The following CLYBL variants were observed in gnomAD, a reference collection of about 807,000 sequenced individuals.
The protein encoded by CLYBL is citramalyl-CoA lyase, mitochondrial.
CLYBL carries 31 observed loss-of-function variants against 38.9 expected under a neutral mutation model. The ratio of observed to expected loss-of-function variants is 0.80; its 90% CI spans 0.60 to 1.08. CLYBL has a LOEUF of 1.08. CLYBL is among the 50% of genes least tolerant of loss of function. The probability of loss-of-function intolerance (pLI) is 0.00; values close to 1 mark genes in which losing one functional copy is unlikely to be tolerated. For missense variants in CLYBL, 434 were observed against 411.6 expected (o/e 1.05, Z -0.47); for synonymous variants, 171 against 158.6 (o/e 1.08, Z -0.59).
intron 2 of CLYBL, among the ~76,000 whole-genome samples, chr13:99,848,579 C>G (rs1236613837): frequency 6.6e-6 from 1 of 152,218 alleles, no homozygotes; most frequent in African/African-American, 2.4e-5. Context: ...ATAAAACAAC[C>G]AGATGAGTGA....
At chr13:99,792,588 G>A (rs1463472666) in intron 2 of CLYBL, among the ~76,000 whole-genome samples, 6 of 141,284 alleles carry the variant, frequency 4.2e-5, no homozygotes, top group Admixed American at 3.5e-4. Flanking sequence ...CCCACCCTAC[G>A]CCCCACCCCT....
intron 1 of CLYBL, among the ~76,000 whole-genome samples, chr13:99,608,847 C>CTTT (rs57961216): frequency 3.4e-5 from 3 of 87,876 alleles, no homozygotes; most frequent in South Asian, 5.7e-4. Context: ...AGTGATGAGT[C>CTTT]TTTTTTTTTT....
chr13:99,777,598 T>C (rs1433475725), intron 2 of CLYBL, among the ~76,000 whole-genome samples: 1 of 151,994 alleles, frequency 6.6e-6, no homozygotes, highest in Non-Finnish European at 1.5e-5. Flanking sequence ...GTTCAAGAGA[T>C]TCTCCTTTCT....
rs2049430403 is a variant in CLYBL, at chr13:99,772,982, G to A, written c.221G>A (p.Cys74Tyr). Residue 74 changes from cysteine (C) to tyrosine (Y), a missense_variant, in exon 2 of 9, where the codon TGT becomes TAT. Physicochemically the swap from Cys to Tyr is radical, Grantham distance 194. Transcript: ENST00000339105. ...SLNVDCAVLD[C>Y]EDGVAANKKN... ...AATGTAGATTGTGCAGTGCTCGACT[G>A]TGAGGATGGAGTGGCTGCAAACAAA... is the stretch of plus-strand genomic sequence containing the variant. 8 of 1,610,814 alleles carry A rather than the reference G, an allele frequency of 5.0e-6. No individual in the cohort carries two copies. The highest frequency in any genetic ancestry group is 6.8e-6 in the Non-Finnish European group (8 of 1,179,428).
intron 1 of CLYBL, among the ~76,000 whole-genome samples, chr13:99,683,234 C>T (rs186547074): frequency 3.3e-5 from 5 of 150,394 alleles, no homozygotes; most frequent in South Asian, 2.2e-4. Flanking sequence ...GGTGCCCCCC[C>T]CTACACCAGG....
chr13:99,738,254 T>C (rs909306640), intron 1 of CLYBL, among the ~76,000 whole-genome samples: 27 of 152,194 alleles, frequency 1.8e-4, no homozygotes, highest in Non-Finnish European at 1.5e-5. Flanking sequence ...ATAAAATTGG[T>C]TAAAAGTATT....
chr13:99,768,763 T>A (rs996630653), intron 1 of CLYBL, among the ~76,000 whole-genome samples: 16 of 152,096 alleles, frequency 1.1e-4, no homozygotes, highest in African/African-American at 3.4e-4. Flanking sequence ...TCCCCCTGCC[T>A]CGGCCTCCCA....
intron 1 of CLYBL, among the ~76,000 whole-genome samples, chr13:99,743,621 C>T (rs1055519131): frequency 3.9e-5 from 6 of 152,170 alleles, no homozygotes; most frequent in South Asian, 2.1e-4. Context: ...ACTGAGGAAA[C>T]GCTTTGGAAA....
Position 99,857,681 on chromosome 13 carries a change from A to G in CLYBL, c.250-1180A>G. 1.3e-5 allele frequency among the ~76,000 whole-genome samples: 2 copies of G among 152,180 alleles called. 1 individual carries two copies. The highest frequency in any genetic ancestry group is 4.8e-5 in the African/African-American group (2 of 41,446). On this transcript the variant is annotated intron_variant, in intron 2 of 8. Coordinates refer to ENST00000339105, the MANE Select transcript of CLYBL (RefSeq NM_206808.5). ...ATAGACCCACATCTGTCTGGTTTAAATCTGCTGTCCTGGGTTGTCTTGTTG... is the reference window on the plus strand; with the variant it reads ...ATAGACCCACATCTGTCTGGTTTAAGTCTGCTGTCCTGGGTTGTCTTGTTG...
chr13:99,619,659 T>C (rs1315105871), intron 1 of CLYBL, among the ~76,000 whole-genome samples: 1 of 152,220 alleles, frequency 6.6e-6, no homozygotes, highest in Non-Finnish European at 1.5e-5. Context: ...ATAGATACTC[T>C]GGGGTTCAAG....
intron 7 of CLYBL, among the ~76,000 whole-genome samples, chr13:99,880,068 A>ATATT (rs34063235): frequency 0.014 from 1,462 of 101,170 alleles, 27 homozygotes; most frequent in African/African-American, 0.028. Flanking sequence ...ATATATATAT[A>ATATT]TTTTTTTTTT....
At chr13:99,830,077 G>C (rs76737767) in intron 2 of CLYBL, among the ~76,000 whole-genome samples, 3,899 of 152,152 alleles carry the variant, frequency 0.026, 170 homozygotes, top group African/African-American at 0.089. Context: ...CTCTCCCCCC[G>C]GCATCAGAGT....
chr13:99,654,744 G>A (rs1461480612), intron 1 of CLYBL, among the ~76,000 whole-genome samples: 2 of 152,164 alleles, frequency 1.3e-5, no homozygotes, highest in South Asian at 2.1e-4. Flanking sequence ...CGTGGCTCAC[G>A]CCTGTAATCC....
chr13:99,809,603 C>T lies in CLYBL; in HGVS notation c.249+36593C>T, dbSNP rs573443873. 1.4e-3 allele frequency among the ~76,000 whole-genome samples: 216 copies of T among 152,340 alleles called. 2 individuals carry two copies. Among genetic ancestry groups the T allele is most frequent in the Non-Finnish European group, 2.4e-3 (166 of 68,038 alleles). On this transcript the variant is annotated intron_variant, in intron 2 of 8. Coordinates refer to ENST00000339105, the MANE Select transcript of CLYBL (RefSeq NM_206808.5). The stretch of plus-strand genomic sequence containing the variant: ...CCTCATGGGGGAATGGATCCTGAAG[C>T]GAAGAAAGGGATGGCTGCAGGCCCC...
chr13:99,650,809 A>G (rs2047242974), intron 1 of CLYBL, among the ~76,000 whole-genome samples: 1 of 152,060 alleles, frequency 6.6e-6, no homozygotes, highest in Non-Finnish European at 1.5e-5. Context: ...CTGAACACAG[A>G]CGTCATTGCG....
intron 3 of CLYBL, among the ~76,000 whole-genome samples, chr13:99,859,722 T>A (rs1218664740): frequency 6.6e-6 from 1 of 152,178 alleles, no homozygotes; most frequent in Non-Finnish European, 1.5e-5. Flanking sequence ...TTAAGAAAAC[T>A]TTTGAAATAG....
intron 2 of CLYBL, among the ~76,000 whole-genome samples, chr13:99,773,720 T>C (rs919002682): frequency 1.3e-5 from 2 of 152,170 alleles, no homozygotes; most frequent in African/African-American, 4.8e-5. Flanking sequence ...AAAATGCAAC[T>C]AGGAAGTTCT....
At chr13:99,626,637 A>G (rs1002230525) in intron 1 of CLYBL, among the ~76,000 whole-genome samples, 2 of 152,192 alleles carry the variant, frequency 1.3e-5, no homozygotes, top group Non-Finnish European at 2.9e-5. Flanking sequence ...TGTGCTTATA[A>G]TGTACATTTA....
intron 2 of CLYBL, among the ~76,000 whole-genome samples, chr13:99,810,674 T>C (rs1474614783): frequency 6.6e-6 from 1 of 151,968 alleles, no homozygotes; most frequent in African/African-American, 2.4e-5. Context: ...AGCAGAGATA[T>C]GTGTCTTGCA....
Sources: gnomAD v4.1 joint callset for allele counts (sites outside exome capture counted in the v4.1 genomes callset) on GRCh38, gnomAD v4.1.1 for gene constraint, MANE v1.5 for transcripts, NCBI Gene and HGNC (gene_info 2026-07-23, HGNC 2026-07-21) for gene names.